Variants in RBFOX1 observed in about 807,000 individuals in gnomAD.
RBFOX1 encodes RNA binding protein fox-1 homolog 1.
A neutral mutation model predicts 57.7 loss-of-function variants in RBFOX1; 8 were observed. The observed-to-expected ratio is 0.14, with a 90% CI of 0.08 to 0.25. The LOEUF (loss-of-function observed/expected upper bound fraction) is 0.25. RBFOX1 is among the 10% of genes least tolerant of loss of function. The pLI, the probability that RBFOX1 is intolerant of heterozygous loss-of-function variation, is 1.00. For missense variants in RBFOX1, 611 were observed against 548.5 expected (o/e 1.11, Z -1.14); for synonymous variants, 326 against 222.4 (o/e 1.47, Z -4.15).
intron 2 of RBFOX1, among the ~76,000 whole-genome samples, chr16:6,590,652 C>G (rs78194119): frequency 2.0e-5 from 3 of 152,138 alleles, no homozygotes; most frequent in African/African-American, 7.2e-5. Context: ...GCCTCTTCAT[C>G]CCTGCATTCA....
At chr16:5,516,099 A>G (rs2043782781) in intron 2 of RBFOX1, among the ~76,000 whole-genome samples, 1 of 152,184 alleles carries the variant, frequency 6.6e-6, no homozygotes, top group African/African-American at 2.4e-5. Context: ...TGGTCAGCAA[A>G]GAGCATTGAT....
chr16:6,195,739 A>G (rs2097175872), intron 1 of RBFOX1, among the ~76,000 whole-genome samples: 1 of 151,920 alleles, frequency 6.6e-6, no homozygotes, highest in African/African-American at 2.4e-5. Flanking sequence ...AAAAAAAAAA[A>G]AGGTTTGTAG....
intron 1 of RBFOX1, among the ~76,000 whole-genome samples, chr16:6,287,535 G>A (rs1228911630): frequency 6.6e-6 from 1 of 152,106 alleles, no homozygotes; most frequent in African/African-American, 2.4e-5. Flanking sequence ...GGCTCATCTA[G>A]CATCATTCTC....
At chr16:6,699,217 G>T (rs987629972) in intron 3 of RBFOX1, among the ~76,000 whole-genome samples, 1 of 151,694 alleles carries the variant, frequency 6.6e-6, no homozygotes, top group African/African-American at 2.4e-5. Context: ...ATGGACTACT[G>T]TTCTGGGACC....
intron 3 of RBFOX1, among the ~76,000 whole-genome samples, chr16:6,912,527 C>A (rs758809105): frequency 1.3e-5 from 2 of 152,062 alleles, no homozygotes; most frequent in South Asian, 2.1e-4. Flanking sequence ...AACTAAAGAC[C>A]TTCTGAGATT....
Position 6,367,254 on chromosome 16 carries a change from GTTTGTTTTGT to G in RBFOX1, c.-64+50221_-64+50230del, listed in dbSNP as rs138296322. Among the ~76,000 whole-genome samples the G allele has an allele frequency of 2.4e-3, 365 of 150,108 alleles. 5 individuals are homozygous for G. The highest frequency in any genetic ancestry group is 7.6e-3 in the African/African-American group (308 of 40,738). ...AGCCCTTCTTGGATTTTCTTTGTTT[GTTTGTTTTGT>G]TTTGTTTTGTTTTGTTTTGTTTTTA... On this transcript the variant is annotated intron_variant, in intron 2 of 15. Transcript: ENST00000550418.
chr16:7,431,474 C>G (rs1220280960), intron 4 of RBFOX1, among the ~76,000 whole-genome samples: 1 of 152,078 alleles, frequency 6.6e-6, no homozygotes, highest in Non-Finnish European at 1.5e-5. Context: ...CTCCTGAACT[C>G]AAGTGATCCT....
At chr16:5,741,825 A>C (rs2052777723) in intron 3 of RBFOX1, among the ~76,000 whole-genome samples, 1 of 152,190 alleles carries the variant, frequency 6.6e-6, no homozygotes, top group Non-Finnish European at 1.5e-5. Context: ...TAGGAAGGGG[A>C]TATAAGATTT....
chr16:7,531,243 A>G lies in RBFOX1; in HGVS notation c.270+12854A>G, dbSNP rs992155830. On this transcript the variant is annotated intron_variant, in intron 5 of 15. Transcript: ENST00000550418. Reference sequence around the variant, plus strand: ...AAATGCCCATTCTGATTGTCAGATGAGGAACATCAAATAGAAACTTCTTGG... The same window carrying G: ...AAATGCCCATTCTGATTGTCAGATGGGGAACATCAAATAGAAACTTCTTGG... Among the ~76,000 whole-genome samples the G allele has an allele frequency of 2.6e-5, 4 of 152,332 alleles. No homozygotes were observed. The East Asian group carries it at 5.8e-4, about 22-fold the overall frequency.
chr16:7,537,054 G>A (rs2081637633), intron 5 of RBFOX1, among the ~76,000 whole-genome samples: 1 of 152,190 alleles, frequency 6.6e-6, no homozygotes, highest in South Asian at 2.1e-4. Context: ...TGTACCATGG[G>A]AGGCCATTGA....
intron 2 of RBFOX1, among the ~76,000 whole-genome samples, chr16:5,498,975 G>T (rs1447526609): frequency 6.6e-6 from 1 of 152,160 alleles, no homozygotes; most frequent in African/African-American, 2.4e-5. Flanking sequence ...AGGTTGGTTA[G>T]GTGTGGATTC....
At chr16:6,862,155 A>C (rs1460086975) in intron 3 of RBFOX1, among the ~76,000 whole-genome samples, 1 of 152,162 alleles carries the variant, frequency 6.6e-6, no homozygotes, top group Non-Finnish European at 1.5e-5. Flanking sequence ...TTTTTCATTT[A>C]GATTGTGAAG....
chr16:6,520,231 G>A (rs1044036679), intron 2 of RBFOX1, among the ~76,000 whole-genome samples: 3 of 152,170 alleles, frequency 2.0e-5, no homozygotes, highest in East Asian at 1.9e-4. Flanking sequence ...AAGAAAGGAT[G>A]TATTCAAAAT....
At position 5,486,500 on chromosome 16, in the gene RBFOX1, C is replaced by T. The variant is rs556840719; in HGVS notation, c.258+19246C>T. Among the ~76,000 whole-genome samples the T allele has an allele frequency of 8.5e-5, 13 of 152,290 alleles. No individual in the cohort carries two copies. The East Asian group carries it at 1.2e-3, about 14-fold the overall frequency. ...CCTTGGCTTGGGTAGATGGGGAAGC[C>T]GGATGGAAGAAGGTCTGTGCAGTGA... On this transcript the variant is annotated intron_variant, in intron 2 of 2. Transcript: ENST00000585867.
At chr16:7,084,298 T>C (rs2153802269) in intron 4 of RBFOX1, among the ~76,000 whole-genome samples, 1 of 151,982 alleles carries the variant, frequency 6.6e-6, no homozygotes, top group East Asian at 1.9e-4. Flanking sequence ...ATGAAATACA[T>C]ATATACACAC....
rs748479187 is a variant in RBFOX1, at chr16:6,002,827, C to T, written c.351+135492C>T. Among the ~76,000 whole-genome samples, 6 of 152,280 alleles carry T rather than the reference C, an allele frequency of 3.9e-5. No homozygotes were observed. The South Asian group carries it at 6.2e-4, about 16-fold the overall frequency. On this transcript the variant is annotated intron_variant, in intron 4 of 19. Coordinates refer to the RBFOX1 transcript ENST00000641259. The stretch of plus-strand genomic sequence containing the variant: ...GTTAGAGCAAATAAAGTGGGAAGAG[C>T]GTGGTTTGTGGACTCCCATAGGGTT...
intron 1 of RBFOX1, among the ~76,000 whole-genome samples, chr16:6,265,267 T>C (rs538839524): frequency 1.3e-5 from 2 of 152,210 alleles, no homozygotes; most frequent in South Asian, 2.1e-4. Context: ...GTTTGTTTGT[T>C]TGGGGTTTTT....
intron 3 of RBFOX1, among the ~76,000 whole-genome samples, chr16:5,795,214 C>G (rs926044137): frequency 1.3e-5 from 2 of 152,050 alleles, no homozygotes; most frequent in Non-Finnish European, 2.9e-5. Context: ...AGTTTCATAT[C>G]CCCCCTCTCC....
rs141416059 is a variant in RBFOX1, at chr16:6,671,534, G to C, written c.-16+16884G>C. 7.9e-5 allele frequency among the ~76,000 whole-genome samples: 12 copies of C among 152,268 alleles called. No homozygotes were observed. In the East Asian group the frequency reaches 2.1e-3, roughly 27 times the overall value. ...CATCTAGGAAGGAATTTAGGACTGA[G>C]TTTGGGCAAGTTCCTTAGTCTTTCT... On this transcript the variant is annotated intron_variant, in intron 3 of 15. Transcript: ENST00000550418.
Sources: gnomAD v4.1 joint callset for allele counts (sites outside exome capture counted in the v4.1 genomes callset) on GRCh38, gnomAD v4.1.1 for gene constraint, MANE v1.5 for transcripts, NCBI Gene and HGNC (gene_info 2026-07-23, HGNC 2026-07-21) for gene names.